The following HTRA3 variants were observed in gnomAD, a reference collection of about 807,000 sequenced individuals.
HTRA3 encodes the protein HtrA serine peptidase 3.
HTRA3 carries 41 observed loss-of-function variants against 43.2 expected under a neutral mutation model. The observed-to-expected ratio is 0.95, with a 90% confidence interval of 0.74 to 1.23. The LOEUF is 1.23. Among genes scored for constraint, HTRA3 ranks in the 50% most tolerant of loss-of-function variants. The pLI, the probability that HTRA3 is intolerant of heterozygous loss-of-function variation, is 0.00. For synonymous variants in HTRA3, 295 were observed against 287.9 expected (o/e 1.02, Z -0.25); for missense variants, 628 against 647.1 (o/e 0.97, Z 0.32).
intron 8 of HTRA3, 132 bp downstream of exon 8, chr4:8,304,411 G>GT: frequency 1.5e-6 from 1 of 675,978 alleles, no homozygotes; most frequent in East Asian, 2.7e-5. Context: ...GGATTCTAGC[G>GT]TGTCTGCTAA....
rs768700015 is a variant in HTRA3, at chr4:8,270,155, G to A, written c.187G>A (p.Gly63Ser). The A allele has an allele frequency of 6.5e-6, 10 of 1,542,812 alleles. No individual in the cohort carries two copies. In the Admixed American group the frequency reaches 1.9e-4, roughly 30 times the overall value. Residue 63 changes from glycine to serine, a missense_variant, in exon 1 of 9, where the codon GGC becomes AGC. Physicochemically the swap from Gly to Ser is moderately conservative, Grantham distance 56. Transcript: ENST00000307358. ...VCAASEGEPC[G>S]GPLDSPCGES... ...CGCCGCCAGCGAGGGCGAGCCCTGT[G>A]GCGGCCCTCTGGACTCGCCTTGCGG...
At chr4:8,290,183 G>T (rs534286316) in intron 3 of HTRA3, among the ~76,000 whole-genome samples, 6 of 152,244 alleles carry the variant, frequency 3.9e-5, no homozygotes, top group Admixed American at 3.9e-4. Flanking sequence ...ATAGAGGAGC[G>T]GCCTGAGTCT....
At chr4:8,303,146 T>C (rs900691412) in intron 7 of HTRA3, among the ~76,000 whole-genome samples, 5 of 152,336 alleles carry the variant, frequency 3.3e-5, no homozygotes, top group Admixed American at 3.3e-4. Flanking sequence ...TGTACACGAA[T>C]TTGGGGGAAC....
In HTRA3 at chr4:8,286,046, G is replaced by A. The variant is rs1221564750; in HGVS notation, c.486-515G>A. 6.6e-6 allele frequency among the ~76,000 whole-genome samples: 1 copy of A among 152,210 alleles called. No individual in the cohort carries two copies. Among genetic ancestry groups the A allele is most frequent in the Non-Finnish European group, 1.5e-5 (1 of 68,024 alleles). On this transcript the variant is annotated intron_variant, in intron 2 of 8. Coordinates refer to ENST00000307358, the MANE Select transcript of HTRA3 (RefSeq NM_053044.5). This position sits in a 1 kb window ranked among gnomAD's most constrained non-coding sequence, Gnocchi z 4.9. The stretch of plus-strand genomic sequence containing the variant: ...TGCAGGATGCTGTGTGTGCAATGGG[G>A]CTTTTCCCCTAGGGCCAATTATTGT...
rs1282556228 is a variant in HTRA3, at chr4:8,270,292, C to T, written c.324C>T (p.Arg108=). ...TGTGCGCGCTGCAGGCGGCCAGCCG[C>T]CGCGCGCTGCAGCTCTCCGGGACGC... ...ANVCALQAAS[R]RALQLSGTPV... is the part of the protein sequence containing the mutation. The change falls in exon 1 of 9, where the codon CGC becomes CGT. Residue 108 remains arginine, a synonymous_variant. Transcript: ENST00000307358. 6 of 1,480,718 alleles carry T rather than the reference C, an allele frequency of 4.1e-6. No homozygotes were observed. The highest frequency in any genetic ancestry group is 2.3e-5 in the Admixed American group (1 of 43,268). 91.7% of individuals were successfully genotyped at this position (1,480,718 alleles called of 1,614,324 possible).
At chr4:8,293,152 C>T (rs562989519) in intron 5 of HTRA3, among the ~76,000 whole-genome samples, 29 of 152,286 alleles carry the variant, frequency 1.9e-4, no homozygotes, top group Admixed American at 6.5e-4. Flanking sequence ...CCTCAGGCCT[C>T]GTGTGCAGAT....
Position 8,305,968 on chromosome 4 carries a change from C to G in HTRA3, c.1197-3C>G. The G allele has an allele frequency of 6.2e-7, 1 of 1,610,250 alleles. No homozygotes were observed. Among genetic ancestry groups the G allele is most frequent in the South Asian group, 1.1e-5 (1 of 90,766 alleles). ...GTGGTGACCCCGTCTCTCCTGTTGG[C>G]AGAGGCGGCATCCAAGATGGTGACA... On this transcript the variant is annotated splice_region_variant and splice_polypyrimidine_tract_variant and intron_variant, in intron 8 of 8. Coordinates refer to ENST00000307358, the MANE Select transcript of HTRA3 (RefSeq NM_053044.5).
rs1713489043 is a variant in HTRA3, at chr4:8,297,295, T to TCC, written c.1051+3095_1051+3096dup. Among the ~76,000 whole-genome samples the TCC allele has an allele frequency of 6.6e-6, 1 of 151,940 alleles. No individual in the cohort carries two copies. Among genetic ancestry groups the TCC allele is most frequent in the Admixed American group, 6.5e-5 (1 of 15,280 alleles). On this transcript the variant is annotated intron_variant, in intron 6 of 8. Transcript: ENST00000307358. The surrounding 1 kb of genome is among the most constrained non-coding windows in gnomAD (Gnocchi z 5.8). The stretch of plus-strand genomic sequence containing the variant: ...GGAGAAGAGGCTTCAGAGTCCCCTA[T>TCC]CCTGAGCACAGTGAGTCGTGCTTTC...
chr4:8,275,825 G>A (rs909198139), intron 1 of HTRA3, among the ~76,000 whole-genome samples: 2 of 152,252 alleles, frequency 1.3e-5, no homozygotes, highest in Non-Finnish European at 2.9e-5. Context: ...GCTGTAGGAA[G>A]CTGCCCTCGG....
At chr4:8,283,649 C>T (rs927405908) in intron 2 of HTRA3, among the ~76,000 whole-genome samples, 2 of 152,208 alleles carry the variant, frequency 1.3e-5, no homozygotes, top group African/African-American at 4.8e-5. Context: ...ATGAGGAGGC[C>T]CCGGAACCAA....
chr4:8,279,556 G>A lies in HTRA3; in HGVS notation c.386-2881G>A, dbSNP rs1032689927. On this transcript the variant is annotated intron_variant, in intron 1 of 8. Coordinates refer to ENST00000307358, the MANE Select transcript of HTRA3 (RefSeq NM_053044.5). This position sits in a 1 kb window ranked among gnomAD's most constrained non-coding sequence, Gnocchi z 7.4. ...GCTTTGGCAAGCAGGGGGTGGACACGTTGGGGTCCAGAGAGCTTTCCGGCC... is the reference window on the plus strand; with the variant it reads ...GCTTTGGCAAGCAGGGGGTGGACACATTGGGGTCCAGAGAGCTTTCCGGCC... 2.0e-5 allele frequency among the ~76,000 whole-genome samples: 3 copies of A among 152,162 alleles called. 1 individual carries two copies. Among genetic ancestry groups the A allele is most frequent in the South Asian group, 4.1e-4 (2 of 4,822 alleles).
intron 6 of HTRA3, among the ~76,000 whole-genome samples, chr4:8,298,437 T>A (rs1019448476): frequency 9.2e-5 from 14 of 152,240 alleles, no homozygotes; most frequent in African/African-American, 3.4e-4. Flanking sequence ...GCAAATATTT[T>A]CTCCCAGTCT....
chr4:8,276,488 T>C (rs1042130915), intron 1 of HTRA3, among the ~76,000 whole-genome samples: 1 of 152,198 alleles, frequency 6.6e-6, no homozygotes, highest in Non-Finnish European at 1.5e-5. Context: ...GGTGCTGCCA[T>C]GTGCTGGCCC....
At chr4:8,291,647 C>A in intron 4 of HTRA3, 83 bp downstream of exon 4, 2 of 1,057,754 alleles carry the variant, frequency 1.9e-6, no homozygotes, top group Non-Finnish European at 2.7e-6. Context: ...ACTCGGCTTG[C>A]CCCCCTCCCC....
chr4:8,297,493 A>G lies in HTRA3; in HGVS notation c.1051+3292A>G, dbSNP rs1022885712. Reference sequence around the variant, plus strand: ...TCTAGCAGGGAGACGGGCCACAAAAACGCCCCCAGATGCCACAGATCAAAG... The same window carrying G: ...TCTAGCAGGGAGACGGGCCACAAAAGCGCCCCCAGATGCCACAGATCAAAG... On this transcript the variant is annotated intron_variant, in intron 6 of 8. Transcript: ENST00000307358. The surrounding 1 kb of genome is among the most constrained non-coding windows in gnomAD (Gnocchi z 5.8). Among the ~76,000 whole-genome samples, 1 of 151,842 alleles carries G rather than the reference A, an allele frequency of 6.6e-6. No homozygotes were observed. Among genetic ancestry groups the G allele is most frequent in the Non-Finnish European group, 1.5e-5 (1 of 67,952 alleles).
intron 1 of HTRA3, among the ~76,000 whole-genome samples, chr4:8,271,663 T>A (rs1257567792): frequency 6.6e-6 from 1 of 152,310 alleles, no homozygotes; most frequent in East Asian, 1.9e-4. Context: ...CTTGGTTGTC[T>A]GGTGAGGGCT....
In HTRA3 at chr4:8,296,237, G is replaced by C; in HGVS notation, c.1051+2036G>C. On this transcript the variant is annotated intron_variant, in intron 6 of 8. Coordinates refer to ENST00000307358, the MANE Select transcript of HTRA3 (RefSeq NM_053044.5). This position sits in a 1 kb window ranked among gnomAD's most constrained non-coding sequence, Gnocchi z 5.3. ...TGAGACAGGATCCCCCTGGGGCCTA[G>C]GTTTGCTCCTTTGTTGTACAGGGGC... 1.0e-6 allele frequency: 1 copy of C among 985,674 alleles called. No individual in the cohort carries two copies. The highest frequency in any genetic ancestry group is 5.2e-4 in the Middle Eastern group (1 of 1,916). The allele number at this position is 985,674 out of a possible 1,614,324, so 61.1% of individuals were successfully genotyped here. A position where few individuals can be genotyped will look rare whatever the true frequency, so the allele number is the denominator to read the frequency against.
chr4:8,296,118 G>A lies in HTRA3; in HGVS notation c.1051+1917G>A. ...ACTTTGGCCTCCTTACTGGAAATTA[G>A]CGGAGCTGCTGTTTGCACACACTGA... On this transcript the variant is annotated intron_variant, in intron 6 of 8. Transcript: ENST00000307358. This position sits in a 1 kb window ranked among gnomAD's most constrained non-coding sequence, Gnocchi z 5.3. 1.0e-6 allele frequency: 1 copy of A among 1,004,600 alleles called. No homozygotes were observed. The highest frequency in any genetic ancestry group is 4.7e-5 in the South Asian group (1 of 21,456). 62.2% of individuals were successfully genotyped at this position (1,004,600 alleles called of 1,614,324 possible).
chr4:8,283,303 C>T (rs1048638697), intron 2 of HTRA3, among the ~76,000 whole-genome samples: 9 of 152,198 alleles, frequency 5.9e-5, no homozygotes, highest in East Asian at 1.9e-4. Context: ...GCTTCACCCC[C>T]GAGCAAGGCC....
Sources: gnomAD v4.1 joint callset for allele counts (sites outside exome capture counted in the v4.1 genomes callset) on GRCh38, gnomAD v4.1.1 for gene constraint, Gnocchi (gnomAD v3.1) non-coding constraint, MANE v1.5 for transcripts, NCBI Gene and HGNC (gene_info 2026-07-23, HGNC 2026-07-21) for gene names.